The following SPAG16 variants were observed in gnomAD, a reference collection of about 807,000 sequenced individuals.
SPAG16 encodes the protein sperm associated antigen 16, also known as sperm-associated antigen 16 protein.
A neutral mutation model predicts 80.4 loss-of-function variants in SPAG16; 86 were observed. That is an observed-to-expected ratio of 1.07 (90% CI 0.90 to 1.28). SPAG16 has a LOEUF of 1.28. SPAG16 is among the 50% of genes most tolerant of loss of function. The pLI is 0.00. For synonymous variants in SPAG16, 294 were observed against 265.9 expected, an observed-to-expected ratio of 1.11 and a Z score of -1.03; for missense variants, 870 against 765.3, an observed-to-expected ratio of 1.14 and a Z score of -1.61.
Position 214,302,193 on chromosome 2 carries a change from G to A in SPAG16, c.1721-107947G>A, listed in dbSNP as rs548766500. Among the ~76,000 whole-genome samples, 21 of 152,122 alleles carry A rather than the reference G, an allele frequency of 1.4e-4. 1 individual carries two copies. In the South Asian group the frequency reaches 2.3e-3, roughly 17 times the overall value. On this transcript the variant is annotated intron_variant, in intron 15 of 15. Transcript: ENST00000331683. ...GAACTTATTGAGACTTACTTTATAGGCAAATATGTAATTATTTTTGAAGAA... is the reference window on the plus strand; with the variant it reads ...GAACTTATTGAGACTTACTTTATAGACAAATATGTAATTATTTTTGAAGAA...
intron 9 of SPAG16, among the ~76,000 whole-genome samples, chr2:213,442,271 A>C (rs2071019083): frequency 6.6e-6 from 1 of 152,258 alleles, no homozygotes; most frequent in Non-Finnish European, 1.5e-5. Flanking sequence ...GAAAGAAATC[A>C]AAGAACTAAA....
intron 15 of SPAG16, among the ~76,000 whole-genome samples, chr2:214,395,575 T>C (rs188014398): frequency 1.1e-3 from 175 of 152,300 alleles, no homozygotes; most frequent in Non-Finnish European, 1.8e-3. Flanking sequence ...ATTTGTGATA[T>C]AGGTAAACTG....
chr2:213,913,551 G>A (rs961496232), intron 11 of SPAG16, among the ~76,000 whole-genome samples: 4 of 148,932 alleles, frequency 2.7e-5, no homozygotes, highest in African/African-American at 1.0e-4. Flanking sequence ...TATGTATTGT[G>A]TGTATCTCTC....
chr2:213,547,937 G>A (rs1463136474), intron 10 of SPAG16, among the ~76,000 whole-genome samples: 4 of 152,024 alleles, frequency 2.6e-5, no homozygotes, highest in East Asian at 3.8e-4. Flanking sequence ...GTAGTATTAC[G>A]TTGTATAATA....
intron 12 of SPAG16, among the ~76,000 whole-genome samples, chr2:213,932,748 T>C (rs967320112): frequency 1.3e-5 from 2 of 152,118 alleles, no homozygotes; most frequent in Non-Finnish European, 2.9e-5. Flanking sequence ...CTGTGAAGCA[T>C]CAACAATATA....
chr2:213,934,564 T>G (rs1201079674), intron 12 of SPAG16, among the ~76,000 whole-genome samples: 2 of 152,196 alleles, frequency 1.3e-5, no homozygotes, highest in Non-Finnish European at 2.9e-5. Context: ...AAGGCCAAAC[T>G]GTGGCAGAGA....
chr2:213,666,929 G>GACTCT (rs1486632886), intron 10 of SPAG16, among the ~76,000 whole-genome samples: 1 of 152,120 alleles, frequency 6.6e-6, no homozygotes, highest in African/African-American at 2.4e-5. Flanking sequence ...ATACAATGGT[G>GACTCT]ACTCTACAAA....
At chr2:213,932,274 A>G (rs1209661272) in intron 12 of SPAG16, among the ~76,000 whole-genome samples, 6 of 150,174 alleles carry the variant, frequency 4.0e-5, no homozygotes, top group African/African-American at 1.5e-4. Context: ...GCAGTGGCAC[A>G]ATCTCAGCTC....
At chr2:214,187,862 T>G (rs2057530922) in intron 15 of SPAG16, among the ~76,000 whole-genome samples, 1 of 152,064 alleles carries the variant, frequency 6.6e-6, no homozygotes, top group Admixed American at 6.6e-5. Flanking sequence ...GCTCCAAACT[T>G]TCGGACAAAG....
Position 214,172,298 on chromosome 2 carries a change from A to G in SPAG16, c.1720+23032A>G, listed in dbSNP as rs1262641550. On this transcript the variant is annotated intron_variant, in intron 15 of 15. Transcript: ENST00000331683. ...GTGTGATGTTCCCCTTCCTGTGTCC[A>G]TGTGTTCTCATTGTTCAATTCCCAC... Among the ~76,000 whole-genome samples, 4 of 151,664 alleles carry G rather than the reference A, an allele frequency of 2.6e-5. No individual in the cohort carries two copies. In the East Asian group the frequency reaches 7.8e-4, roughly 30 times the overall value.
intron 11 of SPAG16, among the ~76,000 whole-genome samples, chr2:213,874,957 T>C: frequency 6.6e-6 from 1 of 152,140 alleles, no homozygotes; most frequent in East Asian, 1.9e-4. Context: ...ATATTATTTT[T>C]TAAGAAAGAG....
At position 213,365,702 on chromosome 2, in the gene SPAG16, C is replaced by T. The variant is rs137855524; in HGVS notation, c.832+1557C>T. Among the ~76,000 whole-genome samples, 258 of 151,952 alleles carry T rather than the reference C, an allele frequency of 1.7e-3. 5 individuals carry two copies. The highest frequency in any genetic ancestry group is 5.7e-3 in the African/African-American group (237 of 41,480). On this transcript the variant is annotated intron_variant, in intron 8 of 15. Transcript: ENST00000331683. Reference sequence around the variant, plus strand: ...TGAACTCCTGTCTTGAAGTGATCCGCCTGCCTCAGCCTCCCAACATGCTGG... The same window carrying T: ...TGAACTCCTGTCTTGAAGTGATCCGTCTGCCTCAGCCTCCCAACATGCTGG...
chr2:213,823,598 G>A (rs1346618916), intron 10 of SPAG16, among the ~76,000 whole-genome samples: 1 of 152,130 alleles, frequency 6.6e-6, no homozygotes, highest in Admixed American at 6.6e-5. Flanking sequence ...GACCTCAGGT[G>A]ATCTGCCCAC....
At chr2:213,377,898 TATA>T (rs2066966079) in intron 9 of SPAG16, among the ~76,000 whole-genome samples, 123 of 10,304 alleles carry the variant, frequency 0.012, 2 homozygotes, top group African/African-American at 0.041. Flanking sequence ...TATATATATA[TATA>T]TATTTTTTTT....
intron 14 of SPAG16, among the ~76,000 whole-genome samples, chr2:214,115,368 G>A (rs1161558224): frequency 1.3e-5 from 2 of 152,126 alleles, no homozygotes; most frequent in Non-Finnish European, 2.9e-5. Context: ...TAGTTATTTG[G>A]TATTAGCCTT....
intron 11 of SPAG16, among the ~76,000 whole-genome samples, chr2:213,915,581 A>G (rs984533945): frequency 1.3e-5 from 2 of 152,300 alleles, no homozygotes; most frequent in African/African-American, 2.4e-5. Flanking sequence ...TAGTGCTGCA[A>G]TAAACATACA....
At chr2:213,406,476 T>G (rs1247906683) in intron 9 of SPAG16, among the ~76,000 whole-genome samples, 1 of 152,162 alleles carries the variant, frequency 6.6e-6, no homozygotes, top group African/African-American at 2.4e-5. Flanking sequence ...TAACCATACA[T>G]TAAGTTGTAA....
At position 213,464,133 on chromosome 2, in the gene SPAG16, G is replaced by A. The variant is rs76077626; in HGVS notation, c.943-25830G>A. Among the ~76,000 whole-genome samples, 462 of 152,284 alleles carry A rather than the reference G, an allele frequency of 3.0e-3. 2 individuals carry two copies. Among genetic ancestry groups the A allele is most frequent in the Admixed American group, 5.2e-3 (79 of 15,300 alleles). ...AACTTACATGGTTAATCAAATCAAA[G>A]GTTACATGGTTAATCAAATCAGAGG... is the stretch of plus-strand genomic sequence containing the variant. On this transcript the variant is annotated intron_variant, in intron 9 of 15. Transcript: ENST00000331683.
chr2:214,374,962 C>T (rs1700043403), intron 15 of SPAG16, among the ~76,000 whole-genome samples: 1 of 152,072 alleles, frequency 6.6e-6, no homozygotes. Flanking sequence ...TCCTTAGTAT[C>T]TTGTAGAAAG....
Sources: gnomAD v4.1 joint callset for allele counts (sites outside exome capture counted in the v4.1 genomes callset) on GRCh38, gnomAD v4.1.1 for gene constraint, MANE v1.5 for transcripts, NCBI Gene and HGNC (gene_info 2026-07-23, HGNC 2026-07-21) for gene names.